CUL5: variants seen among roughly 807,000 people sequenced by gnomAD.
CUL5 encodes cullin-5.
In CUL5, 26 loss-of-function variants were observed where a neutral mutation model predicts 108.8. The ratio of observed to expected loss-of-function variants is 0.24; its 90% CI spans 0.18 to 0.33. The LOEUF (loss-of-function observed/expected upper bound fraction) is 0.33. Among genes scored for constraint, CUL5 ranks in the 10% least tolerant of loss-of-function variants. The pLI is 1.00. For synonymous variants in CUL5, 334 were observed against 298.0 expected (o/e 1.12, Z -1.25); for missense variants, 524 against 909.2 (o/e 0.58, Z 5.45).
intron 10 of CUL5, 32 bp from the exon 11 acceptor site, chr11:108,078,143 TA>T: frequency 8.0e-7 from 1 of 1,252,392 alleles, no homozygotes; most frequent in Non-Finnish European, 1.1e-6. Context: ...TTTTCAATAT[TA>T]AAAATATTTT....
intron 1 of CUL5, among the ~76,000 whole-genome samples, chr11:108,021,010 C>T (rs1405181176): frequency 6.6e-6 from 1 of 152,116 alleles, no homozygotes; most frequent in African/African-American, 2.4e-5. Context: ...TGTTTAGATA[C>T]ACAAATTCTT....
chr11:108,066,354 C>A (rs1313449631), intron 7 of CUL5, among the ~76,000 whole-genome samples: 5 of 151,522 alleles, frequency 3.3e-5, no homozygotes, highest in Admixed American at 2.6e-4. Flanking sequence ...AAAAAAAAAA[C>A]CAGAGTATCA....
At chr11:108,053,031 G>T (rs4453201) in intron 5 of CUL5, among the ~76,000 whole-genome samples, 152,195 of 152,340 alleles carry the variant, frequency 1, 76,025 homozygotes, top group Non-Finnish European at 1. Context: ...TTGGCAAGTC[G>T]TTTTAGTGAA....
intron 10 of CUL5, among the ~76,000 whole-genome samples, chr11:108,074,407 C>G (rs927675898): frequency 2.0e-5 from 3 of 151,636 alleles, no homozygotes; most frequent in African/African-American, 7.3e-5. Context: ...GTTGGCCAGG[C>G]TGGTCTCGAA....
At chr11:108,075,246 G>A (rs961694931) in intron 10 of CUL5, among the ~76,000 whole-genome samples, 6 of 151,208 alleles carry the variant, frequency 4.0e-5, no homozygotes, top group South Asian at 2.1e-4. Context: ...GGACGATAGC[G>A]TGGCGTATTA....
intron 1 of CUL5, among the ~76,000 whole-genome samples, chr11:108,016,811 CAAAA>C (rs1862204541): frequency 6.6e-6 from 1 of 151,688 alleles, no homozygotes. Flanking sequence ...AAAAAACAAA[CAAAA>C]AGCAGGATAC....
intron 7 of CUL5, among the ~76,000 whole-genome samples, chr11:108,059,870 C>T (rs1441698339): frequency 1.5e-5 from 2 of 131,022 alleles, no homozygotes; most frequent in East Asian, 2.2e-4. Context: ...GGTGACAGAG[C>T]GAGACTCTGT....
At chr11:108,096,376 C>T (rs1864495740) in intron 16 of CUL5, among the ~76,000 whole-genome samples, 1 of 150,848 alleles carries the variant, frequency 6.6e-6, no homozygotes, top group Non-Finnish European at 1.5e-5. Flanking sequence ...GCTGTATCCC[C>T]AGCTACTTGG....
At chr11:108,043,236 A>AT (rs1192115236) in intron 2 of CUL5, among the ~76,000 whole-genome samples, 2 of 152,236 alleles carry the variant, frequency 1.3e-5, no homozygotes, top group East Asian at 3.9e-4. Flanking sequence ...TGCCCAACTA[A>AT]TTATTTTATT....
chr11:108,040,611 C>CAAAAAAA (rs71047667), intron 2 of CUL5, among the ~76,000 whole-genome samples: 5 of 112,678 alleles, frequency 4.4e-5, no homozygotes, highest in Admixed American at 9.3e-5. Context: ...GACTCCGTCT[C>CAAAAAAA]AAAAAAAAAA....
chr11:108,055,918 A>C (rs1863366624), intron 7 of CUL5, among the ~76,000 whole-genome samples: 1 of 152,188 alleles, frequency 6.6e-6, no homozygotes, highest in Admixed American at 6.5e-5. Flanking sequence ...GGCGTGAGCC[A>C]CTGCACCCGG....
At chr11:108,096,796 C>T (rs1049826343) in intron 16 of CUL5, among the ~76,000 whole-genome samples, 1 of 151,852 alleles carries the variant, frequency 6.6e-6, no homozygotes, top group Non-Finnish European at 1.5e-5. Flanking sequence ...AAACTCCTGA[C>T]CTCAGGTAAT....
chr11:108,041,063 A>G (rs1169212521), intron 2 of CUL5, among the ~76,000 whole-genome samples: 1 of 152,146 alleles, frequency 6.6e-6, no homozygotes, highest in Admixed American at 6.6e-5. Flanking sequence ...TGGGATGCAC[A>G]GGTCTCCTCT....
At chr11:108,058,551 AGT>A (rs1863457059) in intron 7 of CUL5, among the ~76,000 whole-genome samples, 1 of 151,656 alleles carries the variant, frequency 6.6e-6, no homozygotes, top group Non-Finnish European at 1.5e-5. Flanking sequence ...CCCGGCCCAA[AGT>A]GATTTTTTTT....
At chr11:108,018,050 A>T (rs954020722) in intron 1 of CUL5, among the ~76,000 whole-genome samples, 1 of 152,202 alleles carries the variant, frequency 6.6e-6, no homozygotes, top group Non-Finnish European at 1.5e-5. Context: ...TTTCAGTCTC[A>T]TAGCCAATCA....
In CUL5 at chr11:108,098,471, A is replaced by G; in HGVS notation, c.2090A>G (p.Glu697Gly). The change falls in exon 18 of 19, where the codon GAA becomes GGA. Residue 697 changes from glutamate to glycine, a missense_variant. Coordinates refer to ENST00000393094, the MANE Select transcript of CUL5 (RefSeq NM_003478.6). ...ATTGGACGTTTGCAGCTCACTACAG[A>G]AAGGATGAGAGAAGAAGAGAATGAA... ...NLIGRLQLTTERMREEENEGI... is the reference protein window; with the variant it reads ...NLIGRLQLTTGRMREEENEGI... The G allele has an allele frequency of 2.5e-6, 4 of 1,602,958 alleles. No homozygotes were observed. Among genetic ancestry groups the G allele is most frequent in the Non-Finnish European group, 3.4e-6 (4 of 1,174,918 alleles).
At chr11:108,027,351 A>G (rs1862476866) in intron 1 of CUL5, among the ~76,000 whole-genome samples, 1 of 151,640 alleles carries the variant, frequency 6.6e-6, no homozygotes, top group South Asian at 2.1e-4. Flanking sequence ...GGCTCACTGC[A>G]AACTCCGCCT....
rs1273025804 is a variant in CUL5 at position 108,009,066 on chromosome 11, GCTCCCGTTACCTT to G, written c.-279_-267del. The stretch of plus-strand genomic sequence containing the variant: ...ATGCTTCCTCTTCCAAGTCAGGTCG[GCTCCCGTTACCTT>G]CTCAGCATTCGCCGTTCCGGTCTTC... On this transcript the variant is annotated 5_prime_UTR_variant, in exon 1 of 19. An upstream open reading frame in the 5' UTR loses its in-frame stop. Transcript: ENST00000393094. 2.6e-5 allele frequency: 13 copies of G among 507,844 alleles called. No homozygotes were observed. The highest frequency in any genetic ancestry group is 4.6e-5 in the Non-Finnish European group (13 of 285,134). The allele number at this position is 507,844 out of a possible 1,614,324, so 31.5% of individuals were successfully genotyped here.
rs1417525734 is a variant in CUL5, at chr11:108,038,657, A to G, written c.134+4746A>G. Among the ~76,000 whole-genome samples, 3 of 151,168 alleles carry G rather than the reference A, an allele frequency of 2.0e-5. No individual in the cohort carries two copies. In the East Asian group the frequency reaches 5.8e-4, roughly 29 times the overall value. Reference sequence around the variant, plus strand: ...ACCATTCCACTCCAGCCTGGGAAACAAGAGCAAAACTCCATCTCAGAAAAA... The same window carrying G: ...ACCATTCCACTCCAGCCTGGGAAACGAGAGCAAAACTCCATCTCAGAAAAA... On this transcript the variant is annotated intron_variant, in intron 2 of 18. Transcript: ENST00000393094.
Sources: allele counts gnomAD v4.1 joint callset (sites outside exome capture counted in the v4.1 genomes callset), GRCh38; gene constraint gnomAD v4.1.1; transcripts MANE v1.5; gene names NCBI Gene and HGNC (gene_info 2026-07-23, HGNC 2026-07-21).